The following PSMB7 variants were observed in gnomAD, a reference collection of about 807,000 sequenced individuals.
The protein encoded by PSMB7 is proteasome subunit beta type-7.
A neutral mutation model predicts 28.1 loss-of-function variants in PSMB7; 5 were observed. That is an observed-to-expected ratio of 0.18 (90% CI 0.09 to 0.37). The LOEUF (loss-of-function observed/expected upper bound fraction) is 0.37. PSMB7 is among the 10% of genes least tolerant of loss of function. PSMB7 has a pLI of 1.00. For synonymous variants in PSMB7, 122 were observed against 123.7 expected (o/e 0.99, Z 0.09); for missense variants, 275 against 346.2 (o/e 0.79, Z 1.63).
chr9:124,364,989 C>CA (rs1262158639), intron 6 of PSMB7, among the ~76,000 whole-genome samples: 1 of 152,188 alleles, frequency 6.6e-6, no homozygotes, highest in Admixed American at 6.5e-5. Flanking sequence ...CACAGCCTGA[C>CA]AAGGCCCAGG....
chr9:124,401,017 A>G (rs139836082), intron 5 of PSMB7, among the ~76,000 whole-genome samples: 292 of 152,338 alleles, frequency 1.9e-3, no homozygotes, highest in African/African-American at 6.4e-3. Context: ...TAAGGGAAGA[A>G]TATTATGTAT....
chr9:124,405,152 A>C (rs1308902364), intron 5 of PSMB7, among the ~76,000 whole-genome samples, 165 bp downstream of exon 5: 2 of 152,180 alleles, frequency 1.3e-5, no homozygotes, highest in East Asian at 3.8e-4. Flanking sequence ...TATAGCAAGC[A>C]CCTAGAACAC....
intron 6 of PSMB7, among the ~76,000 whole-genome samples, chr9:124,370,672 A>G (rs1303341321): frequency 6.6e-6 from 1 of 152,212 alleles, no homozygotes; most frequent in African/African-American, 2.4e-5. Context: ...AGCAATTTAA[A>G]ACCTTCCAGC....
At chr9:124,359,236 C>G (rs1298940216) in intron 6 of PSMB7, among the ~76,000 whole-genome samples, 2 of 152,140 alleles carry the variant, frequency 1.3e-5, no homozygotes, top group Non-Finnish European at 2.9e-5. Context: ...GAAGATCATT[C>G]CTTAAGGAAG....
intron 5 of PSMB7, among the ~76,000 whole-genome samples, chr9:124,394,300 G>A (rs765077456): frequency 6.6e-6 from 1 of 152,212 alleles, no homozygotes; most frequent in South Asian, 2.1e-4. Flanking sequence ...GACTTTCCAC[G>A]TAGTCTGACC....
intron 4 of PSMB7, among the ~76,000 whole-genome samples, chr9:124,411,823 G>A (rs1446609199): frequency 6.6e-6 from 1 of 152,234 alleles, no homozygotes; most frequent in African/African-American, 2.4e-5. Context: ...TTAAAAGGAT[G>A]AAATCGTGCA....
chr9:124,408,127 T>C (rs1830985741), intron 4 of PSMB7, among the ~76,000 whole-genome samples: 1 of 152,088 alleles, frequency 6.6e-6, no homozygotes, highest in Non-Finnish European at 1.5e-5. Flanking sequence ...GCACTGCCTT[T>C]AAGTGAGCCA....
rs574289866 is a variant in PSMB7 at position 124,396,641 on chromosome 9, G to C, written c.511+8676C>G. The C allele has an allele frequency of 3.7e-5, 15 of 401,104 alleles. No individual in the cohort carries two copies. In the East Asian group the frequency reaches 5.0e-4, roughly 13 times the overall value. The allele number at this position is 401,104 out of a possible 1,614,324, so 24.8% of individuals were successfully genotyped here. ...ATAGCAATGTTTATTCCTTAAGTCA[G>C]TATTCCTAAATTGTCCAAGGACCTC... On this transcript the variant is annotated intron_variant, in intron 5 of 7. Transcript: ENST00000259457.
intron 6 of PSMB7, among the ~76,000 whole-genome samples, chr9:124,372,150 CT>C (rs1215688112): frequency 2.0e-5 from 3 of 152,202 alleles, no homozygotes; most frequent in African/African-American, 7.2e-5. Flanking sequence ...TTTCTATCTA[CT>C]TTGCCAATAG....
chr9:124,377,946 C>T (rs926234240), intron 6 of PSMB7, among the ~76,000 whole-genome samples: 7 of 152,356 alleles, frequency 4.6e-5, no homozygotes, highest in South Asian at 2.1e-4. Flanking sequence ...GGTGTTAGCA[C>T]GCCTCAGGCA....
chr9:124,370,896 C>G (rs1165941641), intron 6 of PSMB7, among the ~76,000 whole-genome samples: 1 of 152,184 alleles, frequency 6.6e-6, no homozygotes, highest in Non-Finnish European at 1.5e-5. Flanking sequence ...TAATTTTCCA[C>G]AGAGCTAATA....
intron 6 of PSMB7, among the ~76,000 whole-genome samples, chr9:124,375,675 G>T (rs1830603516): frequency 6.6e-6 from 1 of 152,196 alleles, no homozygotes; most frequent in South Asian, 2.1e-4. Flanking sequence ...CATCAAAACA[G>T]ATAAGAAAAT....
intron 5 of PSMB7, among the ~76,000 whole-genome samples, chr9:124,404,712 G>A (rs1830945874): frequency 6.6e-6 from 1 of 152,114 alleles, no homozygotes; most frequent in Non-Finnish European, 1.5e-5. Context: ...AATTAGCCGG[G>A]CATGGTGGCG....
intron 5 of PSMB7, among the ~76,000 whole-genome samples, chr9:124,397,412 TC>T (rs1451282075): frequency 1.3e-5 from 2 of 152,034 alleles, no homozygotes; most frequent in East Asian, 3.9e-4. Flanking sequence ...CCTCAGAGAG[TC>T]CTGCTCCTGG....
chr9:124,355,137 A>G (rs1329672116), intron 7 of PSMB7, among the ~76,000 whole-genome samples: 1 of 152,218 alleles, frequency 6.6e-6, no homozygotes, highest in Admixed American at 6.5e-5. Context: ...AAAGAAGACA[A>G]CAGAGTCCAG....
intron 6 of PSMB7, among the ~76,000 whole-genome samples, chr9:124,375,458 C>T (rs867739806): frequency 1.4e-4 from 22 of 152,316 alleles, no homozygotes; most frequent in Non-Finnish European, 1.6e-4. Flanking sequence ...GCCACGGCGC[C>T]TGGCCTAGCA....
intron 6 of PSMB7, 111 bp downstream of exon 6, chr9:124,384,487 C>G: frequency 1.0e-6 from 1 of 991,564 alleles, no homozygotes; most frequent in Non-Finnish European, 1.5e-6. Flanking sequence ...AACATTCCAA[C>G]TAACAACAGT....
intron 4 of PSMB7, 71 bp downstream of exon 4, chr9:124,412,281 T>G (rs1831035743): frequency 6.8e-7 from 1 of 1,467,096 alleles, no homozygotes; most frequent in African/African-American, 1.4e-5. Flanking sequence ...CTTTCCAGGC[T>G]TCTCTTGGCT....
intron 5 of PSMB7, among the ~76,000 whole-genome samples, chr9:124,390,111 T>A (rs1426910903): frequency 2.0e-5 from 3 of 152,180 alleles, no homozygotes; most frequent in Non-Finnish European, 4.4e-5. Flanking sequence ...GCAACACTGA[T>A]CAAGTTCACT....
Sources: allele counts gnomAD v4.1 joint callset (sites outside exome capture counted in the v4.1 genomes callset), GRCh38; gene constraint gnomAD v4.1.1; transcripts MANE v1.5; gene names NCBI Gene and HGNC (gene_info 2026-07-23, HGNC 2026-07-21).